The following CFAP45 variants were observed in gnomAD, a reference collection of about 807,000 sequenced individuals.
The protein encoded by CFAP45 is cilia- and flagella-associated protein 45.
CFAP45 carries 43 observed loss-of-function variants against 75.6 expected under a neutral mutation model. The ratio of observed to expected loss-of-function variants is 0.57; its 90% CI spans 0.45 to 0.73. The LOEUF is 0.73. Among genes scored for constraint, CFAP45 ranks in the 30% least tolerant of loss-of-function variants. The probability of loss-of-function intolerance (pLI) is 0.00; values close to 1 mark genes in which losing one functional copy is unlikely to be tolerated. For synonymous variants in CFAP45, 223 were observed against 244.6 expected (o/e 0.91, Z 0.82); for missense variants, 689 against 701.5 (o/e 0.98, Z 0.20).
At chr1:159,891,474 G>A (rs1339936964) in intron 2 of CFAP45, among the ~76,000 whole-genome samples, 1 of 152,190 alleles carries the variant, frequency 6.6e-6, no homozygotes, top group Non-Finnish European at 1.5e-5. Context: ...TGGTGGTGAG[G>A]AGGTCAGTGA....
intron 1 of CFAP45, among the ~76,000 whole-genome samples, chr1:159,897,563 A>T (rs1309157918): frequency 2.6e-5 from 4 of 152,232 alleles, no homozygotes; most frequent in Non-Finnish European, 5.9e-5. Flanking sequence ...AGCCTAGGCG[A>T]CAGAGCAAGA....
chr1:159,877,683 C>T (rs1649435664), intron 8 of CFAP45, among the ~76,000 whole-genome samples: 1 of 152,070 alleles, frequency 6.6e-6, no homozygotes, highest in South Asian at 2.1e-4. Context: ...TCATGACCAG[C>T]CTAGGCCACA....
rs139017637 is a variant in CFAP45, at chr1:159,876,588, T to C, written c.1320A>G (p.Gln440=). ...FKEHALAVQV[Q]RDRDEFERIL... ...TCCTCTCGAACTCATCCCGGTCCCG[T>C]TGCACCTGAACAGCCAGAGCGTGCT... The change falls in exon 10 of 12, where the codon CAA becomes CAG. Residue 440 remains glutamine (Q), a synonymous_variant. Transcript: ENST00000368099. 3.7e-6 allele frequency: 6 copies of C among 1,614,014 alleles called. No homozygotes were observed. Among genetic ancestry groups the C allele is most frequent in the Non-Finnish European group, 1.7e-6 (2 of 1,179,976 alleles).
intron 8 of CFAP45, among the ~76,000 whole-genome samples, chr1:159,877,809 C>T (rs751528065): frequency 6.5e-4 from 99 of 151,854 alleles, no homozygotes; most frequent in Non-Finnish European, 1.2e-3. Context: ...CCTGGGAAGT[C>T]GAGGATGCAG....
chr1:159,899,765 C>CCCACCAGTGCTTTTTCCCACA (rs1650031321), intron 1 of CFAP45, among the ~76,000 whole-genome samples: 3 of 152,186 alleles, frequency 2.0e-5, no homozygotes, highest in Non-Finnish European at 4.4e-5. Flanking sequence ...CCGCGCCCGG[C>CCCACCAGTGCTTTTTCCCACA]CCACCAGTGC....
In CFAP45 at chr1:159,886,515, T is replaced by G; in HGVS notation, c.763A>C (p.Ile255Leu). ...ATGCCAAAACCACATCTTTACCTAATTCTTTCCTCCCTCCTCTTCCTCTCC... is the reference window on the plus strand; with the variant it reads ...ATGCCAAAACCACATCTTTACCTAAGTCTTTCCTCCCTCCTCTTCCTCTCC... ...ELERKRREER[I>L]RGRRQIVEQM... Residue 255 changes from isoleucine to leucine, a missense_variant, in exon 6 of 12, where the codon ATT (isoleucine) becomes CTT (leucine). By Grantham distance (5) the Ile-to-Leu change is conservative. Coordinates refer to ENST00000368099, the MANE Select transcript of CFAP45 (RefSeq NM_012337.3). 1.2e-6 allele frequency: 2 copies of G among 1,614,086 alleles called. No individual in the cohort carries two copies. Among genetic ancestry groups the G allele is most frequent in the Non-Finnish European group, 1.7e-6 (2 of 1,179,916 alleles).
chr1:159,897,294 G>A (rs1045080478), intron 1 of CFAP45, among the ~76,000 whole-genome samples: 2 of 149,810 alleles, frequency 1.3e-5, no homozygotes, highest in South Asian at 2.1e-4. Flanking sequence ...AAATACATAA[G>A]TATTCTTGGC....
At chr1:159,885,357 C>G (rs574561051) in intron 6 of CFAP45, among the ~76,000 whole-genome samples, 1 of 152,160 alleles carries the variant, frequency 6.6e-6, no homozygotes, top group Non-Finnish European at 1.5e-5. Flanking sequence ...TATAGTATAC[C>G]AGGTACCTAC....
At chr1:159,888,605 C>T (rs1451553941) in intron 3 of CFAP45, 109 bp from the exon 4 acceptor site, 1 of 1,037,944 alleles carries the variant, frequency 9.6e-7, no homozygotes, top group Admixed American at 2.4e-5. Flanking sequence ...GTGGACTCCC[C>T]CAATGGCAGA....
chr1:159,887,208 C>T (rs1175088345), intron 5 of CFAP45, among the ~76,000 whole-genome samples: 1 of 152,026 alleles, frequency 6.6e-6, no homozygotes, highest in African/African-American at 2.4e-5. Context: ...AAACCACGGG[C>T]CCATGAATAA....
chr1:159,877,913 T>G (rs1000779159), intron 8 of CFAP45, among the ~76,000 whole-genome samples: 8 of 96,338 alleles, frequency 8.3e-5, no homozygotes, highest in Non-Finnish European at 1.4e-4. Context: ...TAAGGTAAAA[T>G]GAATTTAGCA....
At chr1:159,878,208 C>T (rs1649452433) in intron 8 of CFAP45, among the ~76,000 whole-genome samples, 1 of 152,186 alleles carries the variant, frequency 6.6e-6, no homozygotes, top group South Asian at 2.1e-4. Context: ...AACAACTGGT[C>T]CTGTGCCTGT....
intron 1 of CFAP45, among the ~76,000 whole-genome samples, chr1:159,893,873 G>A (rs1162940307): frequency 6.6e-6 from 1 of 150,934 alleles, no homozygotes; most frequent in Non-Finnish European, 1.5e-5. Flanking sequence ...ATATATAAAT[G>A]TATATTAATA....
At position 159,876,558 on chromosome 1, in the gene CFAP45, A is replaced by G. The variant is rs996812380; in HGVS notation, c.1350T>C (p.Leu450=). Residue 450 remains leucine, a splice_region_variant and synonymous_variant, in exon 10 of 12, where the codon CTT becomes CTC. Coordinates refer to ENST00000368099, the MANE Select transcript of CFAP45 (RefSeq NM_012337.3). ...QRDRDEFERI[L]RAQREQIEKE... ...CAAGGTTCCCAGGCCCCTCCTACCG[A>G]AGAATCCTCTCGAACTCATCCCGGT... is the stretch of plus-strand genomic sequence containing the variant. 6.2e-7 allele frequency: 1 copy of G among 1,611,488 alleles called. No individual in the cohort carries two copies. The highest frequency in any genetic ancestry group is 1.3e-5 in the African/African-American group (1 of 74,884).
intron 1 of CFAP45, among the ~76,000 whole-genome samples, chr1:159,894,675 A>G (rs758269149): frequency 2.0e-4 from 30 of 152,160 alleles, no homozygotes; most frequent in Non-Finnish European, 1.5e-4. Flanking sequence ...CAAATTCCCC[A>G]TCTAATGAGT....
At chr1:159,879,454 T>C (rs956413761) in intron 8 of CFAP45, among the ~76,000 whole-genome samples, 34 of 152,194 alleles carry the variant, frequency 2.2e-4, no homozygotes, top group African/African-American at 8.2e-4. Flanking sequence ...TCAGTGACCA[T>C]TTCACAGGAT....
chr1:159,900,152 A>C lies in CFAP45; in HGVS notation c.-54T>G, dbSNP rs1021720818. The C allele has an allele frequency of 2.5e-6, 4 of 1,612,962 alleles. No individual in the cohort carries two copies. The highest frequency in any genetic ancestry group is 1.3e-5 in the African/African-American group (1 of 74,874). ...CTTCTGCTGCCGCCTCGGCGCCGCC[A>C]AGGCCCTAGTGTTGACGCGTTACCT... is the stretch of plus-strand genomic sequence containing the variant. On this transcript the variant is annotated 5_prime_UTR_variant, in exon 1 of 12. Coordinates refer to ENST00000368099, the MANE Select transcript of CFAP45 (RefSeq NM_012337.3).
intron 5 of CFAP45, 27 bp downstream of exon 5, chr1:159,887,814 G>C: frequency 1.3e-6 from 2 of 1,595,830 alleles, no homozygotes. Context: ...TGAATGCTCA[G>C]AGGGAAGGGA....
At chr1:159,883,623 AATATAT>A (rs59275156) in intron 7 of CFAP45, among the ~76,000 whole-genome samples, 2,722 of 72,096 alleles carry the variant, frequency 0.038, 60 homozygotes, top group African/African-American at 0.074. Context: ...TTAACAATAA[AATATAT>A]ATATATATAT....
Sources: gnomAD v4.1 joint callset for allele counts (sites outside exome capture counted in the v4.1 genomes callset) on GRCh38, gnomAD v4.1.1 for gene constraint, MANE v1.5 for transcripts, NCBI Gene and HGNC (gene_info 2026-07-23, HGNC 2026-07-21) for gene names.